The following C10orf67 variants were observed in gnomAD, a reference collection of about 807,000 sequenced individuals.
C10orf67 encodes the protein uncharacterized protein C10orf67, mitochondrial.
A neutral mutation model predicts 35.6 loss-of-function variants in C10orf67; 60 were observed. That is an observed-to-expected ratio of 1.68 (90% CI 1.37 to 2.09). The LOEUF (loss-of-function observed/expected upper bound fraction) is 2.09, where lower values mean the gene tolerates loss of function less well. Ranked by LOEUF, C10orf67 falls within the 30% of genes most tolerant of loss-of-function variation. The pLI is 0.00. For missense variants in C10orf67, 474 were observed against 330.2 expected (o/e 1.44, Z -3.38); for synonymous variants, 167 against 115.8 (o/e 1.44, Z -2.84).
At chr10:23,264,500 G>A (rs898284678) in intron 10 of C10orf67, among the ~76,000 whole-genome samples, 2 of 152,132 alleles carry the variant, frequency 1.3e-5, no homozygotes, top group African/African-American at 4.8e-5. Flanking sequence ...GGGAAAGATT[G>A]TCACACAAAG....
At chr10:23,229,028 A>T (rs887430178) in intron 13 of C10orf67, among the ~76,000 whole-genome samples, 3 of 152,156 alleles carry the variant, frequency 2.0e-5, no homozygotes, top group Admixed American at 6.6e-5. Context: ...CAGTGTGGCG[A>T]TTCCTCAAGG....
chr10:23,296,495 C>A (rs778316306), intron 5 of C10orf67, among the ~76,000 whole-genome samples: 2 of 152,284 alleles, frequency 1.3e-5, no homozygotes, highest in Admixed American at 1.3e-4. Flanking sequence ...GATTCTTAGT[C>A]GGCCTAGGAA....
chr10:23,320,569 T>A (rs1184438667), intron 4 of C10orf67, among the ~76,000 whole-genome samples, 172 bp downstream of exon 4: 1 of 152,234 alleles, frequency 6.6e-6, no homozygotes, highest in Non-Finnish European at 1.5e-5. Context: ...AGCATTATAA[T>A]GTGAGCATAA....
chr10:23,319,812 T>C (rs1588690899), intron 4 of C10orf67, among the ~76,000 whole-genome samples: 1 of 152,242 alleles, frequency 6.6e-6, no homozygotes, highest in African/African-American at 2.4e-5. Context: ...GTTAGGGACC[T>C]GACTTTGCCT....
rs117283182 is a variant in C10orf67, at chr10:23,245,353, C to T, written c.1346+5102G>A. 3.8e-3 allele frequency among the ~76,000 whole-genome samples: 585 copies of T among 152,102 alleles called. 3 individuals carry two copies. The highest frequency in any genetic ancestry group is 0.014 in the Middle Eastern group (4 of 294). On this transcript the variant is annotated intron_variant, in intron 12 of 15. Transcript: ENST00000636213. Reference sequence around the variant, plus strand: ...ATGCACAAGCAACAAAAAACAAGAACGAATAAGTAGGATTATTTCAAACTA... The same window carrying T: ...ATGCACAAGCAACAAAAAACAAGAATGAATAAGTAGGATTATTTCAAACTA...
chr10:23,218,656 G>A (rs1480309455), intron 15 of C10orf67, among the ~76,000 whole-genome samples: 1 of 152,046 alleles, frequency 6.6e-6, no homozygotes, highest in Non-Finnish European at 1.5e-5. Flanking sequence ...GGGAAGTAAT[G>A]GAAAAGTTGG....
intron 2 of C10orf67, among the ~76,000 whole-genome samples, chr10:23,329,008 AAAAAAGAAAG>A: frequency 6.7e-6 from 1 of 149,974 alleles, no homozygotes; most frequent in Non-Finnish European, 1.5e-5. Flanking sequence ...AAAAAAAAAA[AAAAAAGAAAG>A]AAAGAAAGAA....
At chr10:23,315,007 A>G (rs1039223085) in intron 4 of C10orf67, among the ~76,000 whole-genome samples, 3 of 152,194 alleles carry the variant, frequency 2.0e-5, no homozygotes, top group African/African-American at 7.2e-5. Flanking sequence ...GTCAATCTAC[A>G]AAAAGTGTAT....
chr10:23,267,078 C>T lies in C10orf67; in HGVS notation c.1035+117G>A, dbSNP rs117709810. The T allele has an allele frequency of 6.0e-3, 3,577 of 595,976 alleles. 105 individuals are homozygous for T. Among genetic ancestry groups the T allele is most frequent in the East Asian group, 0.05 (1,789 of 35,884 alleles). The allele number at this position is 595,976 out of a possible 1,614,324, so 36.9% of individuals were successfully genotyped here. A position where few individuals can be genotyped will look rare whatever the true frequency, so the allele number is the denominator to read the frequency against. ...ACTTTCAAGAACTTTCTTTTTCAAACTCAGGTTGGAAAGTGAAAAACCTCA... is the reference window on the plus strand; with the variant it reads ...ACTTTCAAGAACTTTCTTTTTCAAATTCAGGTTGGAAAGTGAAAAACCTCA... On this transcript the variant is annotated intron_variant, in intron 9 of 15. Coordinates refer to ENST00000636213, the MANE Select transcript of C10orf67 (RefSeq NM_001371909.1).
intron 1 of C10orf67, among the ~76,000 whole-genome samples, chr10:23,342,384 G>A (rs941874486): frequency 6.6e-6 from 1 of 151,992 alleles, no homozygotes; most frequent in Non-Finnish European, 1.5e-5. Context: ...ACTCCACAAA[G>A]GCCGGGCTTT....
chr10:23,246,099 A>T (rs1003494477), intron 12 of C10orf67, among the ~76,000 whole-genome samples: 3 of 152,238 alleles, frequency 2.0e-5, no homozygotes, highest in Admixed American at 2.0e-4. Context: ...TAACACAGGA[A>T]CAGAAAACCA....
intron 13 of C10orf67, among the ~76,000 whole-genome samples, chr10:23,236,280 A>T (rs1842050233): frequency 7.4e-6 from 1 of 136,046 alleles, no homozygotes; most frequent in African/African-American, 2.7e-5. Flanking sequence ...AAAAAAAAAA[A>T]AAATTAGCCA....
Position 23,326,539 on chromosome 10 carries a change from A to G in C10orf67, c.328-4002T>C, listed in dbSNP as rs1845201875. On this transcript the variant is annotated intron_variant, in intron 2 of 15. Coordinates refer to ENST00000636213, the MANE Select transcript of C10orf67 (RefSeq NM_001371909.1). ...GAAATAATTTGGGCTGGAAAGCTAG[A>G]TCTTCAGGAAATAATAAAGAGCAAA... 2.0e-5 allele frequency among the ~76,000 whole-genome samples: 3 copies of G among 152,278 alleles called. No homozygotes were observed. In the South Asian group the frequency reaches 6.2e-4, roughly 32 times the overall value.
At chr10:23,316,769 G>C (rs1255976158) in intron 4 of C10orf67, 1 of 152,316 alleles carries the variant, frequency 6.6e-6, no homozygotes, top group East Asian at 1.9e-4. Flanking sequence ...GCTCTTAGCT[G>C]AGAGAAGACC....
At chr10:23,325,100 G>A (rs1002889866) in intron 2 of C10orf67, among the ~76,000 whole-genome samples, 3 of 152,128 alleles carry the variant, frequency 2.0e-5, no homozygotes, top group African/African-American at 7.2e-5. Context: ...ACTTTGGGAG[G>A]CCAAGGAGGA....
At chr10:23,342,619 G>A (rs906137424) in intron 1 of C10orf67, among the ~76,000 whole-genome samples, 1 of 152,190 alleles carries the variant, frequency 6.6e-6, no homozygotes, top group African/African-American at 2.4e-5. Context: ...TCCAGGGCAG[G>A]ACACCATTCC....
At chr10:23,235,262 A>G (rs189973915) in intron 13 of C10orf67, among the ~76,000 whole-genome samples, 3 of 152,262 alleles carry the variant, frequency 2.0e-5, no homozygotes, top group African/African-American at 7.2e-5. Context: ...AGAAATATAT[A>G]CAGAATGTGA....
chr10:23,209,365 T>C (rs147857983), intron 15 of C10orf67, among the ~76,000 whole-genome samples: 17 of 151,710 alleles, frequency 1.1e-4, no homozygotes, highest in African/African-American at 3.4e-4. Context: ...CCAGGACAGG[T>C]TGGTGTCTTG....
chr10:23,260,388 G>C (rs1467466855), intron 10 of C10orf67, among the ~76,000 whole-genome samples: 2 of 143,858 alleles, frequency 1.4e-5, no homozygotes, highest in Non-Finnish European at 3.1e-5. Context: ...AAAAGGAAGA[G>C]GGTATATGAC....
Sources: gnomAD v4.1 joint callset for allele counts (sites outside exome capture counted in the v4.1 genomes callset) on GRCh38, gnomAD v4.1.1 for gene constraint, MANE v1.5 for transcripts, NCBI Gene and HGNC (gene_info 2026-07-23, HGNC 2026-07-21) for gene names.